The following XYLB variants were observed in gnomAD, a reference collection of about 807,000 sequenced individuals.
The protein encoded by XYLB is xylulokinase.
XYLB carries 62 observed loss-of-function variants against 78.7 expected under a neutral mutation model. The observed-to-expected ratio is 0.79, with a 90% CI of 0.64 to 0.97. The LOEUF (loss-of-function observed/expected upper bound fraction) is 0.97, where lower values mean the gene tolerates loss of function less well. Among genes scored for constraint, XYLB ranks in the 50% least tolerant of loss-of-function variants. The probability of loss-of-function intolerance (pLI) is 0.00; values close to 1 mark genes in which losing one functional copy is unlikely to be tolerated. For synonymous variants in XYLB, 245 were observed against 247.4 expected (o/e 0.99, Z 0.09); for missense variants, 687 against 676.8 (o/e 1.02, Z -0.17).
At chr3:38,431,344 C>G in the XYLB span, among the ~76,000 whole-genome samples, 1 of 152,056 alleles carries the variant, frequency 6.6e-6, no homozygotes, top group Admixed American at 6.6e-5. Context: ...TGATTTGGCT[C>G]TCTGTTTGTC....
chr3:38,401,241 G>A (rs901429741), intron 18 of XYLB, among the ~76,000 whole-genome samples: 1 of 151,978 alleles, frequency 6.6e-6, no homozygotes, highest in Non-Finnish European at 1.5e-5. Flanking sequence ...CTCACGGTGG[G>A]CCCTTCCATG....
In XYLB at chr3:38,390,647, C is replaced by T. The variant is rs35588129; in HGVS notation, c.1292-4858C>T. 6.3e-3 allele frequency among the ~76,000 whole-genome samples: 955 copies of T among 152,076 alleles called. 8 individuals carry two copies. Among genetic ancestry groups the T allele is most frequent in the Non-Finnish European group, 7.8e-3 (532 of 67,972 alleles). On this transcript the variant is annotated intron_variant, in intron 15 of 18. Transcript: ENST00000207870. ...AAGCAATCCTCCCACTTCAACCTCCCGAGTAGCTGGGACCACAGGCATGCA... is the reference window on the plus strand; with the variant it reads ...AAGCAATCCTCCCACTTCAACCTCCTGAGTAGCTGGGACCACAGGCATGCA...
exon 18 of XYLB, among the ~76,000 whole-genome samples, chr3:38,420,561 C>T (rs1326924041): frequency 3.3e-5 from 5 of 152,124 alleles, no homozygotes; most frequent in Non-Finnish European, 7.4e-5. Flanking sequence ...TTATGTGTTC[C>T]TTAAATATTT....
the XYLB span, among the ~76,000 whole-genome samples, chr3:38,444,801 C>T: frequency 3.3e-5 from 5 of 152,070 alleles, no homozygotes; most frequent in Non-Finnish European, 7.4e-5. Context: ...TGCCCATGCC[C>T]CCCCACCCCT....
chr3:38,352,964 C>T (rs1459763307), intron 2 of XYLB, among the ~76,000 whole-genome samples: 2 of 152,194 alleles, frequency 1.3e-5, no homozygotes, highest in South Asian at 4.1e-4. Flanking sequence ...ATCTCCCAAC[C>T]TCGTGATCTG....
At chr3:38,452,437 T>C in the XYLB span, 1 of 151,998 alleles carries the variant, frequency 6.6e-6, no homozygotes, top group African/African-American at 2.4e-5. Flanking sequence ...TTTATAAACT[T>C]GTTTTTTTTT....
chr3:38,416,300 G>C (rs1181699795), downstream of XYLB, among the ~76,000 whole-genome samples: 1 of 143,916 alleles, frequency 6.9e-6, no homozygotes, highest in African/African-American at 2.7e-5. Context: ...TATATGAAGT[G>C]TAAGTAAGGA....
chr3:38,437,161 CA>C, the XYLB span, among the ~76,000 whole-genome samples: 9 of 151,742 alleles, frequency 5.9e-5, no homozygotes, highest in African/African-American at 2.2e-4. Context: ...GAATGAAGGA[CA>C]AAAACTGTAT....
At chr3:38,440,658 G>C in the XYLB span, among the ~76,000 whole-genome samples, 1 of 152,162 alleles carries the variant, frequency 6.6e-6, no homozygotes, top group African/African-American at 2.4e-5. Flanking sequence ...GTGCTTTTGG[G>C]CTACGCTCTT....
At chr3:38,452,401 A>T in the XYLB span, 1 of 152,110 alleles carries the variant, frequency 6.6e-6, no homozygotes, top group African/African-American at 2.4e-5. Flanking sequence ...CCCTATTTCA[A>T]TGTCAATCAG....
intron 18 of XYLB, 54 bp downstream of exon 18, chr3:38,401,039 G>A (rs1182193552): frequency 1.3e-6 from 2 of 1,538,288 alleles, no homozygotes; most frequent in Admixed American, 1.7e-5. Context: ...AGCCCGCTAG[G>A]GTTTTTTCCC....
At chr3:38,364,262 T>C (rs1430766244) in intron 4 of XYLB, among the ~76,000 whole-genome samples, 1 of 151,868 alleles carries the variant, frequency 6.6e-6, no homozygotes, top group Non-Finnish European at 1.5e-5. Flanking sequence ...CACGTCCCAC[T>C]GATTTGTCTG....
At chr3:38,435,007 C>T in the XYLB span, among the ~76,000 whole-genome samples, 1 of 152,176 alleles carries the variant, frequency 6.6e-6, no homozygotes, top group East Asian at 1.9e-4. Flanking sequence ...TGTGGTGGTA[C>T]GTGCCTGTAA....
the XYLB span, among the ~76,000 whole-genome samples, chr3:38,441,882 T>C: frequency 1.1e-4 from 17 of 152,284 alleles, no homozygotes; most frequent in East Asian, 1.9e-4. Flanking sequence ...TCCTGCTCTC[T>C]CTGTGATATA....
In XYLB at chr3:38,379,359, C is replaced by CA; in HGVS notation, c.1291+18dup. 6.2e-7 allele frequency: 1 copy of CA among 1,613,296 alleles called. No homozygotes were observed. The stretch of plus-strand genomic sequence containing the variant: ...ATCGAGTCAGTAAGTGAGCCACTGG[C>CA]AGCATGTGTCCCGGGGTGGGGGCTC... On this transcript the variant is annotated intron_variant, in intron 15 of 18. Coordinates refer to ENST00000207870, the MANE Select transcript of XYLB (RefSeq NM_005108.4).
chr3:38,396,367 T>A (rs1160075233), intron 16 of XYLB, among the ~76,000 whole-genome samples: 2 of 152,176 alleles, frequency 1.3e-5, no homozygotes, highest in Admixed American at 1.3e-4. Context: ...CAGAGCTGAT[T>A]TTACCTTGGG....
At chr3:38,363,161 C>T (rs1706067494) in intron 4 of XYLB, 144 bp downstream of exon 4, 1 of 558,918 alleles carries the variant, frequency 1.8e-6, no homozygotes, top group East Asian at 3.4e-5. Context: ...ATAAAAATCC[C>T]TACAACTATT....
chr3:38,431,478 C>T, the XYLB span, among the ~76,000 whole-genome samples: 43 of 152,304 alleles, frequency 2.8e-4, 1 homozygote, highest in Non-Finnish European at 5.1e-4. Context: ...TCTAAACATA[C>T]GATCATGTCG....
intron 6 of XYLB, 149 bp from the exon 7 acceptor site, chr3:38,366,659 A>C (rs1244136609): frequency 1.7e-6 from 1 of 593,728 alleles, no homozygotes; most frequent in African/African-American, 1.9e-5. Context: ...TTACAAGCGC[A>C]CACTACTGTG....
Sources: allele counts gnomAD v4.1 joint callset (sites outside exome capture counted in the v4.1 genomes callset), GRCh38; gene constraint gnomAD v4.1.1; transcripts MANE v1.5; gene names NCBI Gene and HGNC (gene_info 2026-07-23, HGNC 2026-07-21).